Variants in GAB1 observed in about 807,000 individuals in gnomAD.
GAB1 encodes GRB2 associated binding protein 1.
Under a neutral mutation model 66.5 loss-of-function variants are expected in GAB1, and 19 were observed. The observed-to-expected ratio is 0.29, with a 90% CI of 0.20 to 0.42. The LOEUF (loss-of-function observed/expected upper bound fraction) is 0.42, where lower values mean the gene tolerates loss of function less well. Among genes scored for constraint, GAB1 ranks in the 10% least tolerant of loss-of-function variants. GAB1 has a pLI of 1.00. For synonymous variants in GAB1, 294 were observed against 301.4 expected (o/e 0.98, Z 0.25); for missense variants, 732 against 858.5 (o/e 0.85, Z 1.84).
rs1733314451 is a variant in GAB1 at position 143,425,684 on chromosome 4, G to A, written c.368-7807G>A. ...ATCCTGAAGTGATTAAAAAAGAAGA[G>A]CAGGCTGCTACTGAAAAGGCAGTGA... On this transcript the variant is annotated intron_variant, in intron 2 of 9. Coordinates refer to ENST00000262994, the MANE Select transcript of GAB1 (RefSeq NM_002039.4). The A allele has an allele frequency of 2.6e-6, 2 of 759,828 alleles. 1 individual carries two copies. Among genetic ancestry groups the A allele is most frequent in the South Asian group, 2.7e-5 (2 of 74,156 alleles). 47.1% of individuals were successfully genotyped at this position (759,828 alleles called of 1,614,324 possible).
In GAB1 at chr4:143,459,419, A is replaced by G. The variant is rs1344302918; in HGVS notation, c.1620A>G (p.Pro540=). ...KPAPLEIKPL[P]EWEELQAPVR... is the part of the protein sequence containing the mutation. ...CGCCTTTAGAAATAAAACCTTTGCC[A>G]GAATGGGAAGAATTACAAGCCCCAG... is the stretch of plus-strand genomic sequence containing the variant. Residue 540 remains proline, a synonymous_variant, in exon 7 of 10, where the codon CCA becomes CCG. Coordinates refer to ENST00000262994, the MANE Select transcript of GAB1 (RefSeq NM_002039.4). The G allele has an allele frequency of 1.2e-6, 2 of 1,611,018 alleles. No homozygotes were observed. The highest frequency in any genetic ancestry group is 1.7e-6 in the Non-Finnish European group (2 of 1,177,248).
At chr4:143,445,190 C>G (rs1222557802) in intron 6 of GAB1, among the ~76,000 whole-genome samples, 1 of 152,186 alleles carries the variant, frequency 6.6e-6, no homozygotes, top group Admixed American at 6.5e-5. Context: ...AGTGGCTGAA[C>G]TAATTTTACA....
intron 1 of GAB1, among the ~76,000 whole-genome samples, chr4:143,407,878 A>AT (rs911681851): frequency 6.6e-6 from 1 of 152,178 alleles, no homozygotes; most frequent in African/African-American, 2.4e-5. Context: ...TTATGGAAAT[A>AT]TTTTTAATAG....
intron 1 of GAB1, among the ~76,000 whole-genome samples, chr4:143,409,382 A>C (rs1472403468): frequency 6.9e-6 from 1 of 144,746 alleles, no homozygotes. Context: ...ACAACTTTGA[A>C]CTTTCCCCCC....
At chr4:143,379,225 T>G (rs1730555072) in intron 1 of GAB1, among the ~76,000 whole-genome samples, 1 of 152,202 alleles carries the variant, frequency 6.6e-6, no homozygotes, top group Non-Finnish European at 1.5e-5. Context: ...TTAATGTTTG[T>G]GTCAAATGTA....
At chr4:143,367,257 G>A (rs549819139) in intron 1 of GAB1, among the ~76,000 whole-genome samples, 5 of 132,352 alleles carry the variant, frequency 3.8e-5, no homozygotes, top group Admixed American at 3.8e-4. Flanking sequence ...TCCCATCCTT[G>A]ATACAGTGAT....
intron 1 of GAB1, among the ~76,000 whole-genome samples, chr4:143,377,457 G>C (rs575100815): frequency 6.6e-6 from 1 of 152,268 alleles, no homozygotes; most frequent in East Asian, 1.9e-4. Context: ...CTGAAAATCT[G>C]CCACTCTGCT....
At chr4:143,444,620 T>C (rs1052753922) in intron 6 of GAB1, among the ~76,000 whole-genome samples, 4 of 152,174 alleles carry the variant, frequency 2.6e-5, no homozygotes, top group Non-Finnish European at 4.4e-5. Flanking sequence ...TGTATTTCAA[T>C]TTTTATTTTA....
Position 143,399,066 on chromosome 4 carries a change from G to A in GAB1, c.73-16411G>A, listed in dbSNP as rs563695438. On this transcript the variant is annotated intron_variant, in intron 1 of 9. Coordinates refer to ENST00000262994, the MANE Select transcript of GAB1 (RefSeq NM_002039.4). ...AACCATTGTGTCTTTTACTTTACCT[G>A]TTCTTTGATTTTGAAATACTGTGGA... Among the ~76,000 whole-genome samples the A allele has an allele frequency of 3.9e-5, 6 of 152,180 alleles. No individual in the cohort carries two copies. The East Asian group carries it at 1.2e-3, about 29-fold the overall frequency.
At chr4:143,380,641 G>C (rs1017612733) in intron 1 of GAB1, 2 of 152,148 alleles carry the variant, frequency 1.3e-5, no homozygotes, top group African/African-American at 4.8e-5. Context: ...GATTGGTCTT[G>C]AACTCCTGGC....
chr4:143,370,000 C>G (rs1451486666), intron 1 of GAB1, among the ~76,000 whole-genome samples: 1 of 152,246 alleles, frequency 6.6e-6, no homozygotes, highest in African/African-American at 2.4e-5. Context: ...AGTGTGCTCC[C>G]TCTTTGTCCT....
intron 1 of GAB1, among the ~76,000 whole-genome samples, chr4:143,355,338 C>G (rs759624491): frequency 6.6e-6 from 1 of 152,094 alleles, no homozygotes; most frequent in Non-Finnish European, 1.5e-5. Flanking sequence ...GCATTCAAAC[C>G]CTTGCACATT....
At chr4:143,421,695 T>TTTC (rs1178246508) in intron 2 of GAB1, among the ~76,000 whole-genome samples, 2 of 117,862 alleles carry the variant, frequency 1.7e-5, no homozygotes, top group African/African-American at 8.7e-5. Context: ...TTTCTTTTCT[T>TTTC]TTCTTTTTTT....
intron 6 of GAB1, among the ~76,000 whole-genome samples, chr4:143,442,493 A>G (rs1216193502): frequency 1.3e-5 from 2 of 152,172 alleles, no homozygotes; most frequent in East Asian, 3.8e-4. Flanking sequence ...AAATCAGGAA[A>G]CACCACTGTT....
intron 2 of GAB1, 141 bp downstream of exon 2, chr4:143,415,912 C>T: frequency 1.4e-6 from 1 of 697,108 alleles, no homozygotes; most frequent in Non-Finnish European, 2.2e-6. Flanking sequence ...GGAAAAAGCA[C>T]TGAATCCTTT....
At chr4:143,449,302 A>C (rs1734759889) in intron 6 of GAB1, among the ~76,000 whole-genome samples, 1 of 151,766 alleles carries the variant, frequency 6.6e-6, no homozygotes, top group African/African-American at 2.4e-5. Context: ...GATGTCTATT[A>C]GGTCCGCTTG....
chr4:143,438,930 C>T (rs758285436), intron 4 of GAB1, among the ~76,000 whole-genome samples: 2 of 152,152 alleles, frequency 1.3e-5, no homozygotes, highest in Non-Finnish European at 2.9e-5. Flanking sequence ...AGCCACAAAG[C>T]CTCTCCGAGT....
chr4:143,440,144 A>T lies in GAB1; in HGVS notation c.1347A>T (p.Pro449=). The T allele has an allele frequency of 6.2e-7, 1 of 1,614,204 alleles. No individual in the cohort carries two copies. ...AAGAACTGGATGAAAATTACGTCCC[A>T]ATGAATCCCAATTCACCACCACGAC... The part of the protein sequence containing the change: ...SSEELDENYV[P]MNPNSPPRQH... The change falls in exon 6 of 10, where the codon CCA becomes CCT. Residue 449 remains proline (P), a synonymous_variant. Coordinates refer to ENST00000262994, the MANE Select transcript of GAB1 (RefSeq NM_002039.4).
At chr4:143,459,610 G>T in intron 7 of GAB1, 132 bp downstream of exon 7, 2 of 672,966 alleles carry the variant, frequency 3.0e-6, no homozygotes, top group Non-Finnish European at 5.3e-6. Context: ...TGGGGGTTCT[G>T]TGAAGTCAAA....
Sources: gnomAD v4.1 joint callset for allele counts (sites outside exome capture counted in the v4.1 genomes callset) on GRCh38, gnomAD v4.1.1 for gene constraint, MANE v1.5 for transcripts, NCBI Gene and HGNC (gene_info 2026-07-23, HGNC 2026-07-21) for gene names.